Variants in KLHL14 observed in about 807,000 individuals in gnomAD.
The protein encoded by KLHL14 is kelch like family member 14.
KLHL14 carries 22 observed loss-of-function variants against 64.3 expected under a neutral mutation model. The ratio of observed to expected loss-of-function variants is 0.34; its 90% CI spans 0.24 to 0.49. The LOEUF is 0.49. Ranked by LOEUF, KLHL14 falls within the 20% of genes least tolerant of loss-of-function variation. The pLI, the probability that KLHL14 is intolerant of heterozygous loss-of-function variation, is 0.99. For missense variants in KLHL14, 661 were observed against 789.0 expected (o/e 0.84, Z 1.94); for synonymous variants, 322 against 333.4 (o/e 0.97, Z 0.37).
At chr18:32,771,488 G>T (rs1293719904) in intron 1 of KLHL14, among the ~76,000 whole-genome samples, 1 of 152,090 alleles carries the variant, frequency 6.6e-6, no homozygotes, top group African/African-American at 2.4e-5. Flanking sequence ...TTTAAACCTG[G>T]CAGGAGAATC....
intron 3 of KLHL14, among the ~76,000 whole-genome samples, chr18:32,695,868 A>G (rs976722192): frequency 6.6e-6 from 1 of 152,126 alleles, no homozygotes; most frequent in Non-Finnish European, 1.5e-5. Context: ...GATGATGTGG[A>G]TAGTGATCTG....
intron 5 of KLHL14, among the ~76,000 whole-genome samples, chr18:32,684,326 T>C (rs925777057): frequency 2.6e-5 from 4 of 152,228 alleles, no homozygotes; most frequent in African/African-American, 9.6e-5. Context: ...CATGTGCCCA[T>C]TTCCCTGCTA....
intron 3 of KLHL14, among the ~76,000 whole-genome samples, chr18:32,713,812 G>T (rs151004208): frequency 1.2e-3 from 177 of 152,090 alleles, no homozygotes; most frequent in African/African-American, 4.2e-3. Flanking sequence ...ATTTCTAATT[G>T]TAAAACACTT....
intron 2 of KLHL14, among the ~76,000 whole-genome samples, chr18:32,752,549 G>A (rs561753625): frequency 2.3e-4 from 35 of 152,144 alleles, no homozygotes; most frequent in Non-Finnish European, 4.1e-4. Context: ...GGATGTCTCT[G>A]CTTATCTTTG....
At chr18:32,712,356 C>T (rs2050023372) in intron 3 of KLHL14, among the ~76,000 whole-genome samples, 1 of 152,112 alleles carries the variant, frequency 6.6e-6, no homozygotes, top group Non-Finnish European at 1.5e-5. Context: ...AAAAGAATTC[C>T]CACAGCTTCC....
intron 3 of KLHL14, among the ~76,000 whole-genome samples, chr18:32,733,298 C>T (rs1300258778): frequency 6.6e-6 from 1 of 151,786 alleles, no homozygotes; most frequent in East Asian, 1.9e-4. Flanking sequence ...AACTTTCCCA[C>T]TGAAGTCTTA....
intron 4 of KLHL14, among the ~76,000 whole-genome samples, chr18:32,692,338 A>G (rs932493912): frequency 2.6e-5 from 4 of 152,224 alleles, no homozygotes; most frequent in African/African-American, 7.2e-5. Flanking sequence ...TACCATTTTC[A>G]TAAGAACTAA....
intron 4 of KLHL14, among the ~76,000 whole-genome samples, chr18:32,690,711 A>G (rs1055487552): frequency 6.6e-6 from 1 of 152,190 alleles, no homozygotes; most frequent in African/African-American, 2.4e-5. Flanking sequence ...CCTGGGCAAC[A>G]GAGTGAGACT....
In KLHL14 at chr18:32,674,797, C is replaced by G; in HGVS notation, c.1747G>C (p.Gly583Arg). The G allele has an allele frequency of 1.3e-6, 1 of 780,262 alleles. No individual in the cohort carries two copies. The highest frequency in any genetic ancestry group is 2.4e-6 in the Non-Finnish European group (1 of 417,668). 48.3% of individuals were successfully genotyped at this position (780,262 alleles called of 1,614,324 possible). Residue 583 changes from glycine to arginine, a missense_variant and splice_region_variant, in exon 9 of 9, where the codon GGG (glycine) becomes CGG (arginine). By Grantham distance (125) the Gly-to-Arg change is moderately radical. Transcript: ENST00000359358. Reference sequence around the variant, plus strand: ...CATATTGTAGATGACTTGTAGGCCCCCTGTAATGACAGAGGAGGGAGCATT... The same window carrying G: ...CATATTGTAGATGACTTGTAGGCCCGCTGTAATGACAGAGGAGGGAGCATT... ...YLVGGYSWSM[G>R]AYKSSTICYC...
At chr18:32,708,287 T>C (rs1159985341) in intron 3 of KLHL14, among the ~76,000 whole-genome samples, 3 of 152,178 alleles carry the variant, frequency 2.0e-5, no homozygotes, top group Admixed American at 6.5e-5. Flanking sequence ...CCAGAGGTGC[T>C]AGAGGATTTG....
intron 3 of KLHL14, among the ~76,000 whole-genome samples, chr18:32,697,466 A>G (rs1472698500): frequency 1.3e-5 from 2 of 152,232 alleles, no homozygotes; most frequent in Non-Finnish European, 2.9e-5. Context: ...CATAGAGGCC[A>G]TCGGCTACAA....
intron 4 of KLHL14, among the ~76,000 whole-genome samples, chr18:32,688,785 T>C (rs147226216): frequency 0.012 from 1,895 of 152,200 alleles, 29 homozygotes; most frequent in Non-Finnish European, 0.02. Flanking sequence ...TGAAAAACAG[T>C]CCAATCTATC....
intron 2 of KLHL14, among the ~76,000 whole-genome samples, chr18:32,750,403 C>T (rs2050245433): frequency 6.6e-6 from 1 of 152,116 alleles, no homozygotes; most frequent in Non-Finnish European, 1.5e-5. Flanking sequence ...ATTAACTTTA[C>T]AAAGTACTCA....
At position 32,680,487 on chromosome 18, in the gene KLHL14, A is replaced by C. The variant is rs762413227; in HGVS notation, c.1351T>G (p.Trp451Gly). 2 of 1,613,890 alleles carry C rather than the reference A, an allele frequency of 1.2e-6. No homozygotes were observed. The highest frequency in any genetic ancestry group is 2.7e-5 in the African/African-American group (2 of 74,928). Residue 451 changes from tryptophan (W) to glycine (G), a missense_variant, in exon 6 of 9, where the codon TGG (tryptophan) becomes GGG (glycine). Coordinates refer to ENST00000359358, the MANE Select transcript of KLHL14 (RefSeq NM_020805.3). The surrounding 1 kb of genome is among the most constrained non-coding windows in gnomAD (Gnocchi z 4.8). ...VECYNLETNE[W>G]RYVSSLPQPL... Reference sequence around the variant, plus strand: ...TGTGGCAAAGAGGACACATAGCGCCATTCATTCGTTTCTAGGTTATAGCAC... The same window carrying C: ...TGTGGCAAAGAGGACACATAGCGCCCTTCATTCGTTTCTAGGTTATAGCAC...
chr18:32,696,180 G>A (rs1178778077), intron 3 of KLHL14, among the ~76,000 whole-genome samples: 5 of 152,066 alleles, frequency 3.3e-5, no homozygotes, highest in Non-Finnish European at 5.9e-5. Flanking sequence ...ATCTGCTTAG[G>A]AGCTCTTCTG....
intron 4 of KLHL14, among the ~76,000 whole-genome samples, chr18:32,694,214 T>C (rs570826646): frequency 5.9e-5 from 9 of 152,356 alleles, no homozygotes; most frequent in South Asian, 4.1e-4. Flanking sequence ...TCAAAAAGAA[T>C]GTTCTGCAGA....
At chr18:32,733,300 GA>G (rs1487249423) in intron 3 of KLHL14, among the ~76,000 whole-genome samples, 1 of 151,830 alleles carries the variant, frequency 6.6e-6, no homozygotes, top group Non-Finnish European at 1.5e-5. Flanking sequence ...CTTTCCCACT[GA>G]AGTCTTATAG....
chr18:32,693,032 G>T (rs989402448), intron 4 of KLHL14, among the ~76,000 whole-genome samples: 4 of 152,152 alleles, frequency 2.6e-5, no homozygotes, highest in Non-Finnish European at 5.9e-5. Flanking sequence ...GGGTGCTCTT[G>T]TTCATTAGCC....
rs182292359 is a variant in KLHL14 at position 32,684,455 on chromosome 18, G to A, written c.1238+2700C>T. On this transcript the variant is annotated intron_variant, in intron 5 of 8. Transcript: ENST00000359358. ...AAAAGGCAAATCTTACAAATGCCCC[G>A]TCAATCTTGCAGCTCCATCTCTCCT... 6.6e-4 allele frequency among the ~76,000 whole-genome samples: 100 copies of A among 151,538 alleles called. 1 individual carries two copies. In the East Asian group the frequency reaches 0.01, roughly 16 times the overall value.
Sources: allele counts gnomAD v4.1 joint callset (sites outside exome capture counted in the v4.1 genomes callset), GRCh38; gene constraint gnomAD v4.1.1; non-coding constraint Gnocchi (gnomAD v3.1); transcripts MANE v1.5; gene names NCBI Gene and HGNC (gene_info 2026-07-23, HGNC 2026-07-21).